NCKAP5: variants seen among roughly 807,000 people sequenced by gnomAD.
NCKAP5 encodes the protein NCK associated protein 5.
A neutral mutation model predicts 167.0 loss-of-function variants in NCKAP5; 92 were observed. The observed-to-expected ratio is 0.55, with a 90% CI of 0.47 to 0.66. The LOEUF (loss-of-function observed/expected upper bound fraction) is 0.66. Ranked by LOEUF, NCKAP5 falls within the 30% of genes least tolerant of loss-of-function variation. The pLI, the probability that NCKAP5 is intolerant of heterozygous loss-of-function variation, is 0.00. For synonymous variants in NCKAP5, 891 were observed against 877.4 expected, an observed-to-expected ratio of 1.02 and a Z score of -0.27; for missense variants, 2,378 against 2,315.0, an observed-to-expected ratio of 1.03 and a Z score of -0.56.
chr2:133,016,962 T>C (rs1275297268), intron 6 of NCKAP5, among the ~76,000 whole-genome samples: 2 of 152,352 alleles, frequency 1.3e-5, no homozygotes, highest in African/African-American at 4.8e-5. Flanking sequence ...AAATTTGCAT[T>C]GAATAATGGT....
chr2:133,455,039 G>A (rs1691761079), intron 3 of NCKAP5, among the ~76,000 whole-genome samples: 1 of 152,022 alleles, frequency 6.6e-6, no homozygotes, highest in Non-Finnish European at 1.5e-5. Flanking sequence ...ACTTGTATCT[G>A]AGTCTTTGTT....
chr2:133,159,236 C>G (rs1308959260), intron 5 of NCKAP5, among the ~76,000 whole-genome samples: 2 of 152,062 alleles, frequency 1.3e-5, no homozygotes, highest in Admixed American at 6.6e-5. Flanking sequence ...CCTTTAGGAG[C>G]TGAGGTTGGT....
At chr2:132,732,150 A>G in intron 16 of NCKAP5, 99 bp from the exon 17 acceptor site, 1 of 1,148,036 alleles carries the variant, frequency 8.7e-7, no homozygotes, top group Non-Finnish European at 1.2e-6. Flanking sequence ...GAAAGGAGAC[A>G]CCTAGAAGGG....
At chr2:133,561,882 TA>T (rs1250017429) in intron 1 of NCKAP5, among the ~76,000 whole-genome samples, 1 of 152,086 alleles carries the variant, frequency 6.6e-6, no homozygotes, top group Non-Finnish European at 1.5e-5. Flanking sequence ...AAGTAAATAT[TA>T]AAAATGAGGC....
At chr2:133,647,434 A>G in the NCKAP5 span, among the ~76,000 whole-genome samples, 2,900 of 91,682 alleles carry the variant, frequency 0.032, 264 homozygotes, top group African/African-American at 0.12. Context: ...AGAAAGGAAG[A>G]AAGAAAGAAA....
intron 6 of NCKAP5, among the ~76,000 whole-genome samples, chr2:133,017,097 A>G (rs2078365465): frequency 6.6e-6 from 1 of 152,222 alleles, no homozygotes; most frequent in African/African-American, 2.4e-5. Flanking sequence ...GACAAACATA[A>G]TATGAACGAT....
chr2:133,336,678 T>C (rs1683228168), intron 3 of NCKAP5, among the ~76,000 whole-genome samples: 1 of 152,144 alleles, frequency 6.6e-6, no homozygotes, highest in African/African-American at 2.4e-5. Flanking sequence ...AAGATGGTAG[T>C]CTCAATTCCA....
chr2:133,078,283 G>A (rs1027842411), intron 6 of NCKAP5, among the ~76,000 whole-genome samples: 36 of 152,324 alleles, frequency 2.4e-4, no homozygotes, highest in African/African-American at 8.2e-4. Context: ...AAAAATGGAA[G>A]TGGATGCTTG....
chr2:132,852,490 T>C (rs1478123836), intron 11 of NCKAP5, among the ~76,000 whole-genome samples: 1 of 152,210 alleles, frequency 6.6e-6, no homozygotes, highest in Non-Finnish European at 1.5e-5. Context: ...AGAAGTGTTG[T>C]TGAAGGTCAC....
At chr2:133,584,091 T>C in the NCKAP5 span, among the ~76,000 whole-genome samples, 1 of 152,230 alleles carries the variant, frequency 6.6e-6, no homozygotes, top group African/African-American at 2.4e-5. Flanking sequence ...TTTCATATAT[T>C]TTCCATAATA....
At chr2:133,111,449 C>T (rs1035321302) in intron 6 of NCKAP5, among the ~76,000 whole-genome samples, 3 of 152,182 alleles carry the variant, frequency 2.0e-5, no homozygotes, top group African/African-American at 7.2e-5. Flanking sequence ...CAAGAAGATT[C>T]ACATCATTTG....
At chr2:133,350,275 T>A (rs1684271798) in intron 3 of NCKAP5, among the ~76,000 whole-genome samples, 1 of 152,082 alleles carries the variant, frequency 6.6e-6, no homozygotes, top group African/African-American at 2.4e-5. Context: ...TAGCTGGGTG[T>A]GGTGACACAC....
chr2:132,867,693 C>T (rs1041342601), intron 10 of NCKAP5, among the ~76,000 whole-genome samples: 1 of 152,096 alleles, frequency 6.6e-6, no homozygotes, highest in African/African-American at 2.4e-5. Flanking sequence ...AAAATGGGGC[C>T]ACATTCCATG....
At chr2:132,912,573 T>C (rs1694541852) in intron 8 of NCKAP5, among the ~76,000 whole-genome samples, 2 of 152,234 alleles carry the variant, frequency 1.3e-5, no homozygotes, top group Admixed American at 6.5e-5. Flanking sequence ...CCTTTGATGC[T>C]GATTTGCTTC....
At chr2:133,424,737 G>T (rs1689687259) in intron 3 of NCKAP5, among the ~76,000 whole-genome samples, 1 of 152,114 alleles carries the variant, frequency 6.6e-6, no homozygotes, top group Non-Finnish European at 1.5e-5. Flanking sequence ...AGACGAACCT[G>T]GTTGCCCTAA....
intron 5 of NCKAP5, among the ~76,000 whole-genome samples, chr2:133,135,245 G>A (rs1425590629): frequency 1.1e-4 from 17 of 152,214 alleles, no homozygotes; most frequent in Non-Finnish European, 2.1e-4. Flanking sequence ...AGACCTCTGT[G>A]ATGACCAGGT....
rs1012518592 is a variant in NCKAP5, at chr2:133,432,735, C to T, written c.69+84723G>A. On this transcript the variant is annotated intron_variant, in intron 3 of 19. Transcript: ENST00000409261. ...TGCTCATCAATATAGTCTTAGAACC[C>T]GACACAGTGCCTGGCATATAGAAGA... 2.0e-5 allele frequency among the ~76,000 whole-genome samples: 3 copies of T among 152,206 alleles called. No individual in the cohort carries two copies. In the South Asian group the frequency reaches 6.2e-4, roughly 32 times the overall value.
At chr2:133,555,154 T>G (rs976633357) in intron 2 of NCKAP5, among the ~76,000 whole-genome samples, 1 of 152,198 alleles carries the variant, frequency 6.6e-6, no homozygotes, top group African/African-American at 2.4e-5. Context: ...CACCCTGTGT[T>G]CCATTGGGAC....
chr2:133,084,790 C>A (rs1355754812), intron 6 of NCKAP5, among the ~76,000 whole-genome samples: 1 of 152,172 alleles, frequency 6.6e-6, no homozygotes, highest in African/African-American at 2.4e-5. Context: ...ACATGCTTAG[C>A]TGATACACTT....
Sources: gnomAD v4.1 joint callset for allele counts (sites outside exome capture counted in the v4.1 genomes callset) on GRCh38, gnomAD v4.1.1 for gene constraint, MANE v1.5 for transcripts, NCBI Gene and HGNC (gene_info 2026-07-23, HGNC 2026-07-21) for gene names.